ACTN2: variants seen among roughly 807,000 people sequenced by gnomAD.
ACTN2 encodes alpha-actinin-2.
In ACTN2, 39 loss-of-function variants were observed where a neutral mutation model predicts 113.8. That is an observed-to-expected ratio of 0.34 (90% CI 0.27 to 0.45). The LOEUF is 0.45. Ranked by LOEUF, ACTN2 falls within the 20% of genes least tolerant of loss-of-function variation. ACTN2 has a pLI of 1.00. For missense variants in ACTN2, 992 were observed against 1,177.9 expected, an observed-to-expected ratio of 0.84 and a Z score of 2.31; for synonymous variants, 429 against 444.1, an observed-to-expected ratio of 0.97 and a Z score of 0.43.
chr1:236,719,058 A>G, intron 3 of ACTN2, 45 bp downstream of exon 3: 6 of 1,611,198 alleles, frequency 3.7e-6, no homozygotes, highest in Non-Finnish European at 5.1e-6. Flanking sequence ...CTGACCTAAT[A>G]GCGTAGGTGT....
Position 236,757,370 on chromosome 1 carries a change from A to G in ACTN2, c.2155-116A>G. ...TTTTTTTTCAAGTGTGGGGAAGGCTATCATGAGCCCTGCTTAGTAAGCCCT... is the reference window on the plus strand; with the variant it reads ...TTTTTTTTCAAGTGTGGGGAAGGCTGTCATGAGCCCTGCTTAGTAAGCCCT... On this transcript the variant is annotated intron_variant, in intron 17 of 20. Coordinates refer to ENST00000366578, the MANE Select transcript of ACTN2 (RefSeq NM_001103.4). 6.0e-6 allele frequency: 8 copies of G among 1,338,098 alleles called. No individual in the cohort carries two copies. The South Asian group carries it at 7.1e-5, about 12-fold the overall frequency. The allele number at this position is 1,338,098 out of a possible 1,614,324, so 82.9% of individuals were successfully genotyped here.
intron 1 of ACTN2, among the ~76,000 whole-genome samples, chr1:236,695,645 AT>A (rs1657476582): frequency 1.4e-5 from 2 of 147,202 alleles, no homozygotes; most frequent in South Asian, 4.2e-4. Context: ...AGACGTATAA[AT>A]TTAAATTTGT....
At chr1:236,704,960 T>A (rs1406938169) in intron 1 of ACTN2, among the ~76,000 whole-genome samples, 2 of 152,216 alleles carry the variant, frequency 1.3e-5, no homozygotes, top group African/African-American at 4.8e-5. Flanking sequence ...TTCTCCCAGG[T>A]TTGTGGCAGG....
intron 1 of ACTN2, among the ~76,000 whole-genome samples, chr1:236,702,699 A>T (rs953656424): frequency 8.5e-5 from 13 of 152,328 alleles, no homozygotes; most frequent in East Asian, 1.9e-4. Context: ...GTTGGCAGGA[A>T]CATTGGAAAT....
At chr1:236,735,127 G>T (rs909590755) in intron 7 of ACTN2, among the ~76,000 whole-genome samples, 1 of 152,142 alleles carries the variant, frequency 6.6e-6, no homozygotes, top group Non-Finnish European at 1.5e-5. Flanking sequence ...TCATCCTCAC[G>T]CAAGGCACTT....
intron 20 of ACTN2, 29 bp from the exon 21 acceptor site, chr1:236,762,432 A>G: frequency 3.7e-6 from 6 of 1,613,712 alleles, no homozygotes; most frequent in Non-Finnish European, 5.1e-6. Flanking sequence ...TCTGCAACTG[A>G]CTGCAAACAC....
intron 9 of ACTN2, 83 bp downstream of exon 9, chr1:236,737,297 G>GTATATATATATA: frequency 0.015 from 4,836 of 321,942 alleles, 1,410 homozygotes; most frequent in Non-Finnish European, 0.019. Flanking sequence ...CTCCGTGGGG[G>GTATATATATATA]CATATATATA....
chr1:236,705,211 T>TATA (rs2102874598), intron 1 of ACTN2, among the ~76,000 whole-genome samples: 1 of 152,124 alleles, frequency 6.6e-6, no homozygotes, highest in African/African-American at 2.4e-5. Flanking sequence ...TGTATAAATA[T>TATA]ATATATATAA....
chr1:236,699,039 A>G (rs1479082235), intron 1 of ACTN2, among the ~76,000 whole-genome samples: 1 of 152,330 alleles, frequency 6.6e-6, no homozygotes, highest in East Asian at 1.9e-4. Context: ...TTTTATAAAT[A>G]TGGAGATACT....
In ACTN2 at chr1:236,720,199, A is replaced by G; in HGVS notation, c.448+8A>G. The G allele has an allele frequency of 6.2e-7, 1 of 1,602,314 alleles. No individual in the cohort carries two copies. On this transcript the variant is annotated splice_region_variant and intron_variant, in intron 4 of 20. Transcript: ENST00000366578. The stretch of plus-strand genomic sequence containing the variant: ...AGGATATTTCGGTTGAAGGTAAAAG[A>G]CATGGTTAAAAGTCTAATTGTATAA...
intron 1 of ACTN2, among the ~76,000 whole-genome samples, chr1:236,694,203 AT>A (rs112284532): frequency 0.025 from 3,357 of 134,596 alleles, 100 homozygotes; most frequent in African/African-American, 0.075. Context: ...CTGCACTGAC[AT>A]TTTTTTTTTT....
intron 15 of ACTN2, 101 bp from the exon 16 acceptor site, chr1:236,753,846 T>TC: frequency 2.3e-6 from 3 of 1,303,058 alleles, no homozygotes; most frequent in East Asian, 2.9e-5. Flanking sequence ...TTTCTCCTTC[T>TC]CCACTCCCAC....
intron 14 of ACTN2, 145 bp from the exon 15 acceptor site, chr1:236,751,325 T>G: frequency 9.7e-7 from 1 of 1,033,250 alleles, no homozygotes. Context: ...CCTAAAGAGT[T>G]TTTTCTAAAG....
rs5781919 is a variant in ACTN2, at chr1:236,707,709, CTTTTTTTTTTTTT to C, written c.127-10141_127-10129del. Among the ~76,000 whole-genome samples, 136 of 78,778 alleles carry C rather than the reference CTTTTTTTTTTTTT, an allele frequency of 1.7e-3. 1 individual carries two copies. Among genetic ancestry groups the C allele is most frequent in the African/African-American group, 6.4e-3 (128 of 20,064 alleles). 51.7% of individuals were successfully genotyped at this position (78,778 alleles called of 152,430 possible). On this transcript the variant is annotated intron_variant, in intron 1 of 20. Coordinates refer to ENST00000366578, the MANE Select transcript of ACTN2 (RefSeq NM_001103.4). Reference sequence around the variant, plus strand: ...TCTTTTCTTTTCTTTTCTTTTTTTTCTTTTTTTTTTTTTTTTTTTTGAGATGGAGTCTCACTCT... The same window carrying C: ...TCTTTTCTTTTCTTTTCTTTTTTTTCTTTTTTTGAGATGGAGTCTCACTCT...
rs200730108 is a variant in ACTN2, at chr1:236,745,691, G to A, written c.1406+915G>A. Among the ~76,000 whole-genome samples, 22 of 152,242 alleles carry A rather than the reference G, an allele frequency of 1.4e-4. No individual in the cohort carries two copies. The East Asian group carries it at 1.7e-3, about 12-fold the overall frequency. On this transcript the variant is annotated intron_variant, in intron 12 of 20. Transcript: ENST00000366578. ...CCTCAGGGAGAAGAGCCTCCATGCC[G>A]TGTTTCTGAGCTTTCTTCAGGTCCT...
chr1:236,688,282 T>C (rs544251993), intron 1 of ACTN2, among the ~76,000 whole-genome samples: 24 of 152,286 alleles, frequency 1.6e-4, no homozygotes, highest in South Asian at 1.5e-3. Context: ...AAAATTGCTT[T>C]CTTATGAGGA....
Position 236,749,275 on chromosome 1 carries a change from C to T in ACTN2, c.1656+11C>T, listed in dbSNP as rs760799261. ...ATTGAGGAGATCCAGGTAATGGAAC[C>T]GCAACTCTGTATGCCCTATGCATTA... On this transcript the variant is annotated intron_variant, in intron 14 of 20. Coordinates refer to ENST00000366578, the MANE Select transcript of ACTN2 (RefSeq NM_001103.4). The T allele has an allele frequency of 6.2e-6, 10 of 1,613,910 alleles. No individual in the cohort carries two copies. The highest frequency in any genetic ancestry group is 2.7e-5 in the African/African-American group (2 of 74,904).
chr1:236,744,507 C>T (rs1659165873), intron 11 of ACTN2, 119 bp from the exon 12 acceptor site: 2 of 1,230,302 alleles, frequency 1.6e-6, no homozygotes, highest in Middle Eastern at 2.6e-4. Context: ...TCAGTCCTGC[C>T]CCTCTCTGTC....
In ACTN2 at chr1:236,694,653, G is replaced by C. The variant is rs560822004; in HGVS notation, c.126+7854G>C. On this transcript the variant is annotated intron_variant, in intron 1 of 20. Coordinates refer to ENST00000366578, the MANE Select transcript of ACTN2 (RefSeq NM_001103.4). ...TTTTTGGCAGTCTTTATGACTTTTT[G>C]AGCTCTGAATGTGTTAACTCCCAAC... 5.9e-5 allele frequency among the ~76,000 whole-genome samples: 9 copies of C among 152,076 alleles called. No homozygotes were observed. The East Asian group carries it at 1.5e-3, about 26-fold the overall frequency.
Sources: allele counts gnomAD v4.1 joint callset (sites outside exome capture counted in the v4.1 genomes callset), GRCh38; gene constraint gnomAD v4.1.1; transcripts MANE v1.5; gene names NCBI Gene and HGNC (gene_info 2026-07-23, HGNC 2026-07-21).